The following PEAK1 variants were observed in gnomAD, a reference collection of about 807,000 sequenced individuals.
The protein encoded by PEAK1 is pseudopodium enriched atypical kinase 1.
In PEAK1, 54 loss-of-function variants were observed where a neutral mutation model predicts 124.7. The ratio of observed to expected loss-of-function variants is 0.43; its 90% CI spans 0.35 to 0.54. The LOEUF (loss-of-function observed/expected upper bound fraction) is 0.54. Among genes scored for constraint, PEAK1 ranks in the 20% least tolerant of loss-of-function variants. PEAK1 has a pLI of 0.01. For synonymous variants in PEAK1, 719 were observed against 760.0 expected (o/e 0.95, Z 0.89); for missense variants, 2,046 against 2,134.5 (o/e 0.96, Z 0.82).
intron 1 of PEAK1, among the ~76,000 whole-genome samples, chr15:77,368,754 G>T (rs1169103423): frequency 6.6e-6 from 1 of 152,182 alleles, no homozygotes; most frequent in African/African-American, 2.4e-5. Flanking sequence ...CTTGTTTCAT[G>T]TTCAGCAGTG....
chr15:77,310,326 A>C (rs1273292575), intron 2 of PEAK1, among the ~76,000 whole-genome samples: 1 of 152,214 alleles, frequency 6.6e-6, no homozygotes, highest in African/African-American at 2.4e-5. Context: ...TTATGTTCCT[A>C]GCTTGGTCAT....
intron 8 of PEAK1, among the ~76,000 whole-genome samples, chr15:77,141,574 C>T (rs2053789046): frequency 6.6e-6 from 1 of 152,104 alleles, no homozygotes; most frequent in Admixed American, 6.6e-5. Flanking sequence ...CTAGAGTGGT[C>T]AAAGTCTTTA....
At chr15:77,267,969 G>T (rs956404962) in intron 5 of PEAK1, among the ~76,000 whole-genome samples, 1 of 152,004 alleles carries the variant, frequency 6.6e-6, no homozygotes, top group Non-Finnish European at 1.5e-5. Flanking sequence ...AATGATATAG[G>T]ATATGAATGG....
intron 8 of PEAK1, chr15:77,158,188 C>T: frequency 4.6e-6 from 1 of 217,698 alleles, no homozygotes; most frequent in Non-Finnish European, 9.2e-6. Context: ...AAAAATATAC[C>T]ATGTGTATAT....
intron 6 of PEAK1, among the ~76,000 whole-genome samples, chr15:77,238,009 C>T (rs1005340335): frequency 2.0e-5 from 3 of 152,084 alleles, no homozygotes; most frequent in Admixed American, 1.3e-4. Flanking sequence ...CATTGTATTT[C>T]TATTTCTCAT....
At chr15:77,271,889 C>T (rs895008010) in intron 5 of PEAK1, among the ~76,000 whole-genome samples, 1 of 151,914 alleles carries the variant, frequency 6.6e-6, no homozygotes, top group Admixed American at 6.6e-5. Context: ...ATGTAACAAA[C>T]CTGCACGTTG....
At chr15:77,367,273 T>C (rs1359934368) in intron 1 of PEAK1, among the ~76,000 whole-genome samples, 2 of 152,216 alleles carry the variant, frequency 1.3e-5, no homozygotes, top group East Asian at 3.9e-4. Flanking sequence ...AGGAACTCTC[T>C]GTACTGTCTA....
chr15:77,256,683 GC>G (rs34427309), intron 5 of PEAK1, among the ~76,000 whole-genome samples: 16,686 of 151,752 alleles, frequency 0.11, 1,007 homozygotes, highest in African/African-American at 0.14. Flanking sequence ...TCAGAACATA[GC>G]CAGTTCATTT....
At chr15:77,306,718 G>A (rs531916067) in intron 2 of PEAK1, among the ~76,000 whole-genome samples, 84 of 151,994 alleles carry the variant, frequency 5.5e-4, no homozygotes, top group Non-Finnish European at 1.1e-3. Flanking sequence ...TCAACCAAAG[G>A]CATCCCAATT....
intron 1 of PEAK1, among the ~76,000 whole-genome samples, chr15:77,365,667 G>A (rs1057492794): frequency 6.6e-6 from 1 of 151,002 alleles, no homozygotes; most frequent in Non-Finnish European, 1.5e-5. Context: ...TTGAACCCGG[G>A]AGGCGGAGGT....
In PEAK1 at chr15:77,298,197, ATTTTTTTTTTTTTTTTTTTTT is replaced by A. The variant is rs749000554; in HGVS notation, c.-602-11714_-602-11694del. On this transcript the variant is annotated intron_variant, in intron 2 of 9. Transcript: ENST00000682557. ...TAGCTTCTTTTGTTTGGTATCCTTA[ATTTTTTTTTTTTTTTTTTTTT>A]TTTTTTTTTTTTTTTTTTGAGAGGT... Among the ~76,000 whole-genome samples, 293 of 37,828 alleles carry A rather than the reference ATTTTTTTTTTTTTTTTTTTTT, an allele frequency of 7.7e-3. 6 individuals are homozygous for A. The highest frequency in any genetic ancestry group is 0.033 in the African/African-American group (246 of 7,420). The allele number at this position is 37,828 out of a possible 152,430, so 24.8% of individuals were successfully genotyped here. A position where few individuals can be genotyped will look rare whatever the true frequency, so the allele number is the denominator to read the frequency against.
intron 6 of PEAK1, among the ~76,000 whole-genome samples, chr15:77,216,131 G>A (rs993955418): frequency 1.3e-5 from 2 of 152,106 alleles, no homozygotes; most frequent in Admixed American, 6.5e-5. Context: ...TCTATTTGAG[G>A]AGGATTGCCA....
chr15:77,350,716 C>T (rs1265364683), intron 2 of PEAK1: 2 of 985,108 alleles, frequency 2.0e-6, no homozygotes, highest in Non-Finnish European at 2.4e-6. Flanking sequence ...AAACAAGCCA[C>T]AGAAATCAGA....
At chr15:77,339,224 T>C (rs958386217) in intron 2 of PEAK1, among the ~76,000 whole-genome samples, 2 of 151,476 alleles carry the variant, frequency 1.3e-5, no homozygotes, top group African/African-American at 4.9e-5. Flanking sequence ...GATCCTACCA[T>C]CTCAGCCTGC....
chr15:77,255,363 G>A, intron 5 of PEAK1: 1 of 982,716 alleles, frequency 1.0e-6, no homozygotes, highest in Non-Finnish European at 1.2e-6. Flanking sequence ...TTTATTCCAA[G>A]CTTCTGCCGG....
At chr15:77,315,607 C>T (rs767736493) in intron 2 of PEAK1, among the ~76,000 whole-genome samples, 7 of 148,058 alleles carry the variant, frequency 4.7e-5, no homozygotes, top group Admixed American at 6.7e-5. Context: ...AACAGAAACA[C>T]GGATGAGTAA....
intron 2 of PEAK1, among the ~76,000 whole-genome samples, chr15:77,309,924 T>A (rs1199168144): frequency 6.6e-6 from 1 of 152,200 alleles, no homozygotes; most frequent in Non-Finnish European, 1.5e-5. Context: ...TGAGGAACTG[T>A]GGCTATTCTT....
intron 6 of PEAK1, among the ~76,000 whole-genome samples, chr15:77,246,173 T>C (rs1195285916): frequency 1.3e-5 from 2 of 152,092 alleles, no homozygotes; most frequent in African/African-American, 2.4e-5. Flanking sequence ...CATTCCCAGC[T>C]AATTTTTGTA....
Position 77,333,777 on chromosome 15 carries a change from C to T in PEAK1, c.-603+31386G>A, listed in dbSNP as rs897081450. ...GACTCTACCTTGTTCCATTCTTAGTCAATATCATATGGTTTTAATCATTGC... is the reference window on the plus strand; with the variant it reads ...GACTCTACCTTGTTCCATTCTTAGTTAATATCATATGGTTTTAATCATTGC... On this transcript the variant is annotated intron_variant, in intron 2 of 9. Coordinates refer to ENST00000682557, the MANE Select transcript of PEAK1 (RefSeq NM_001385026.1). 54 of 905,108 alleles carry T rather than the reference C, an allele frequency of 6.0e-5. No homozygotes were observed. In the African/African-American group the frequency reaches 9.4e-4, roughly 16 times the overall value. 56.1% of individuals were successfully genotyped at this position (905,108 alleles called of 1,614,324 possible). A position where few individuals can be genotyped will look rare whatever the true frequency, so the allele number is the denominator to read the frequency against.
Sources: gnomAD v4.1 joint callset for allele counts (sites outside exome capture counted in the v4.1 genomes callset) on GRCh38, gnomAD v4.1.1 for gene constraint, MANE v1.5 for transcripts, NCBI Gene and HGNC (gene_info 2026-07-23, HGNC 2026-07-21) for gene names.